The following VTN variants were observed in gnomAD, a reference collection of about 807,000 sequenced individuals.
VTN encodes vitronectin.
In VTN, 45 loss-of-function variants were observed where a neutral mutation model predicts 55.9. The ratio of observed to expected loss-of-function variants is 0.80; its 90% CI spans 0.63 to 1.03. The LOEUF is 1.03. Ranked by LOEUF, VTN falls within the 50% of genes least tolerant of loss-of-function variation. The pLI is 0.00. For synonymous variants in VTN, 238 were observed against 242.3 expected, an observed-to-expected ratio of 0.98 and a Z score of 0.17; for missense variants, 589 against 638.2, an observed-to-expected ratio of 0.92 and a Z score of 0.83.
In VTN at chr17:28,370,019, C is replaced by G. The variant is rs781948323; in HGVS notation, c.92G>C (p.Gly31Ala). The stretch of plus-strand genomic sequence containing the variant: ...CTGGCACTTCTTGTCCACGTTGAAG[C>G]CCTCAGTGCAGCGGCCCTTGCATGA... ...QESCKGRCTE[G>A]FNVDKKCQCD... Residue 31 changes from glycine to alanine, a missense_variant, in exon 2 of 8, where the codon GGC (glycine) becomes GCC (alanine). Physicochemically the swap from Gly to Ala is moderately conservative, Grantham distance 60 (BLOSUM62 0). Transcript: ENST00000226218. 1.7e-5 allele frequency: 27 copies of G among 1,613,990 alleles called. No homozygotes were observed. The Admixed American group carries it at 4.5e-4, about 27-fold the overall frequency.
In VTN at chr17:28,369,263, C is replaced by T. The variant is rs1175994085; in HGVS notation, c.669+26G>A. 3 of 1,557,968 alleles carry T rather than the reference C, an allele frequency of 1.9e-6. No individual in the cohort carries two copies. In the African/African-American group the frequency reaches 4.1e-5, roughly 21 times the overall value. On this transcript the variant is annotated intron_variant, in intron 4 of 7. Transcript: ENST00000226218. This position sits in a 1 kb window ranked among gnomAD's most constrained non-coding sequence, Gnocchi z 5.3. ...CTCTCAAACCCTCCCTAGATGCTTT[C>T]TACCCTGGCCCACAGCCCCTGGCAC... is the stretch of plus-strand genomic sequence containing the variant.
In VTN at chr17:28,367,981, C is replaced by G. The variant is rs782740766; in HGVS notation, c.1058G>C (p.Arg353Pro). ...PGQVDAAMAG[R>P]IYISGMAPRP... ...GGGTGCCATGCCTGAGATGTAGATG[C>G]GGCCAGCCATGGCTGCGTCCACTTG... The change falls in exon 7 of 8, where the codon CGC becomes CCC. Residue 353 changes from arginine (R) to proline (P), a missense_variant. Transcript: ENST00000226218. 2 of 1,595,194 alleles carry G rather than the reference C, an allele frequency of 1.3e-6. No homozygotes were observed. Among genetic ancestry groups the G allele is most frequent in the South Asian group, 1.1e-5 (1 of 88,852 alleles).
In VTN at chr17:28,367,419, G is replaced by A. The variant is rs201545006; in HGVS notation, c.1387C>T (p.Arg463Cys). 3.7e-5 allele frequency: 60 copies of A among 1,612,734 alleles called. No individual in the cohort carries two copies. The highest frequency in any genetic ancestry group is 4.4e-5 in the Non-Finnish European group (52 of 1,179,716). Residue 463 changes from arginine to cysteine, a missense_variant, in exon 8 of 8, where the codon CGC becomes TGC. Physicochemically the swap from Arg to Cys is radical, Grantham distance 180. This residue lies in a region of VTN where 334 missense variants were observed against 328.2 expected (regional missense o/e 1.02). Transcript: ENST00000226218. ...CCCAGCCAGTACTGAGCGATGGAGC[G>A]TGGGTAGGGAGGGTCCACAGTGTCC... ...RVDTVDPPYPRSIAQYWLGCP... is the reference protein window; with the variant it reads ...RVDTVDPPYPCSIAQYWLGCP...
chr17:28,367,499 A>C lies in VTN; in HGVS notation c.1325-18T>G. The C allele has an allele frequency of 6.2e-7, 1 of 1,607,876 alleles. No individual in the cohort carries two copies. Among genetic ancestry groups the C allele is most frequent in the Non-Finnish European group, 8.5e-7 (1 of 1,175,068 alleles). On this transcript the variant is annotated intron_variant, in intron 7 of 7. Transcript: ENST00000226218. ...GTACTTGTCTGGAAGAGAGGAAAGCAGAGGATGCGTGAGGCCCAGCCTGGC... is the reference window on the plus strand; with the variant it reads ...GTACTTGTCTGGAAGAGAGGAAAGCCGAGGATGCGTGAGGCCCAGCCTGGC...
Position 28,369,929 on chromosome 17 carries a change from T to A in VTN, c.182A>T (p.Gln61Leu). ...ACCCACCTGGGCTCTGAACACACCTTGGGGCTTGCACTCAGCCGTATAGTC... is the reference window on the plus strand; with the variant it reads ...ACCCACCTGGGCTCTGAACACACCTAGGGGCTTGCACTCAGCCGTATAGTC... ...CTDYTAECKP[Q>L]VTRGDVFTMP... is the part of the protein sequence containing the mutation. The change falls in exon 2 of 8, where the codon CAA (glutamine) becomes CTA (leucine). Residue 61 changes from glutamine to leucine, a missense_variant and splice_region_variant. By Grantham distance (113) the Gln-to-Leu change is moderately radical. This residue lies in a region of VTN where 217 missense variants were observed against 241.3 expected (regional missense o/e 0.90). Coordinates refer to ENST00000226218, the MANE Select transcript of VTN (RefSeq NM_000638.4). This position sits in a 1 kb window ranked among gnomAD's most constrained non-coding sequence, Gnocchi z 5.3. 6.2e-7 allele frequency: 1 copy of A among 1,614,016 alleles called. No homozygotes were observed. Among genetic ancestry groups the A allele is most frequent in the Non-Finnish European group, 8.5e-7 (1 of 1,179,988 alleles).
rs782057864 is a variant in VTN at position 28,368,571 on chromosome 17, C to T, written c.929G>A (p.Arg310Gln). Residue 310 changes from arginine to glutamine, a missense_variant, in exon 6 of 8, where the codon CGG (arginine) becomes CAG (glutamine). This residue lies in a region of VTN where 334 missense variants were observed against 328.2 expected (regional missense o/e 1.02). Transcript: ENST00000226218. Reference protein sequence around the residue: ...AVFEHFAMMQRDSWEDIFELL... With the variant: ...AVFEHFAMMQQDSWEDIFELL... The stretch of plus-strand genomic sequence containing the variant: ...CTCGAAGATGTCCTCCCAGCTGTCC[C>T]GCTGCATCATGGCAAAGTGTTCAAA... 7 of 1,614,056 alleles carry T rather than the reference C, an allele frequency of 4.3e-6. No homozygotes were observed. In the East Asian group the frequency reaches 8.9e-5, roughly 21 times the overall value.
intron 1 of VTN, 37 bp downstream of exon 1, chr17:28,370,103 T>C (rs1555583787): frequency 6.2e-7 from 1 of 1,613,562 alleles, no homozygotes; most frequent in South Asian, 1.1e-5. Flanking sequence ...TCGCCCTCCC[T>C]ACATTGACCC....
Position 28,370,005 on chromosome 17 carries a change from T to A in VTN, c.106A>T (p.Lys36Ter). The A allele has an allele frequency of 6.2e-7, 1 of 1,614,084 alleles. No homozygotes were observed. Among genetic ancestry groups the A allele is most frequent in the Non-Finnish European group, 8.5e-7 (1 of 1,180,016 alleles). Residue 36 changes from lysine to a stop codon, truncating the protein, a stop_gained, in exon 2 of 8, where the codon AAG (lysine) becomes TAG (stop). Coordinates refer to ENST00000226218, the MANE Select transcript of VTN (RefSeq NM_000638.4). LOFTEE classifies it high-confidence loss of function. ...CAGAGCTCGTCACACTGGCACTTCTTGTCCACGTTGAAGCCCTCAGTGCAG... is the reference window on the plus strand; with the variant it reads ...CAGAGCTCGTCACACTGGCACTTCTAGTCCACGTTGAAGCCCTCAGTGCAG... Reference protein sequence around the residue: ...GRCTEGFNVDKKCQCDELCSY... With the variant: ...GRCTEGFNVD
In VTN at chr17:28,367,950, G is replaced by C. The variant is rs1011440385; in HGVS notation, c.1089C>G (p.Pro363=). The change falls in exon 7 of 8, where the codon CCC becomes CCG. Residue 363 remains proline (P), a synonymous_variant. Coordinates refer to ENST00000226218, the MANE Select transcript of VTN (RefSeq NM_000638.4). Reference sequence around the variant, plus strand: ...TAAACCTTTGTTTCTTGGCCAAGGAGGGGCGGGGTGCCATGCCTGAGATGT... The same window carrying C: ...TAAACCTTTGTTTCTTGGCCAAGGACGGGCGGGGTGCCATGCCTGAGATGT... ...RIYISGMAPR[P]SLAKKQRFRH... The C allele has an allele frequency of 6.9e-6, 11 of 1,602,280 alleles. No homozygotes were observed. Among genetic ancestry groups the C allele is most frequent in the Non-Finnish European group, 9.4e-6 (11 of 1,174,492 alleles).
In VTN at chr17:28,368,896, G is replaced by T. The variant is rs564459012; in HGVS notation, c.802C>A (p.Arg268=). ...CCCTTGAAGAAGTAGACCCGCTCCCGGCCACTGTAGCTATGGGCAGGGAGG... is the reference window on the plus strand; with the variant it reads ...CCCTTGAAGAAGTAGACCCGCTCCCTGCCACTGTAGCTATGGGCAGGGAGG... The part of the protein sequence containing the change: ...LALPAHSYSG[R]ERVYFFKGKQ... Residue 268 remains arginine (R), a synonymous_variant, in exon 5 of 8, where the codon CGG becomes AGG. Coordinates refer to ENST00000226218, the MANE Select transcript of VTN (RefSeq NM_000638.4). 1.1e-5 allele frequency: 18 copies of T among 1,613,356 alleles called. No individual in the cohort carries two copies. The East Asian group carries it at 3.8e-4, about 34-fold the overall frequency.
chr17:28,370,027 G>T lies in VTN; in HGVS notation c.84C>A (p.Cys28Ter), dbSNP rs2067939436. 1.9e-6 allele frequency: 3 copies of T among 1,614,008 alleles called. No individual in the cohort carries two copies. The African/African-American group carries it at 4.0e-5, about 22-fold the overall frequency. The change falls in exon 2 of 8, where the codon TGC becomes TGA. Residue 28 changes from cysteine to a stop codon, truncating the protein, a stop_gained. Transcript: ENST00000226218. LOFTEE classifies it high-confidence loss of function. ...TCTTGTCCACGTTGAAGCCCTCAGT[G>T]CAGCGGCCCTTGCATGACTCTATGA... Reference protein sequence around the residue: ...LADQESCKGRCTEGFNVDKKC... With the variant: ...LADQESCKGR
At position 28,369,486 on chromosome 17, in the gene VTN, C is replaced by A. The variant is rs1555583613; in HGVS notation, c.529+21G>T. 6.3e-7 allele frequency: 1 copy of A among 1,595,854 alleles called. No individual in the cohort carries two copies. ...CGCTCCTGGGGCAGACCCGCATCCC[C>A]AGTACCTGCCCTGGATTCACCTCGG... On this transcript the variant is annotated intron_variant, in intron 3 of 7. Transcript: ENST00000226218. This position sits in a 1 kb window ranked among gnomAD's most constrained non-coding sequence, Gnocchi z 5.3.
chr17:28,369,743 AGGGAGG>A lies in VTN; in HGVS notation c.287_292del (p.Pro96_Ser97del). On this transcript the variant is annotated inframe_deletion, in exon 3 of 8. Transcript: ENST00000226218. This position sits in a 1 kb window ranked among gnomAD's most constrained non-coding sequence, Gnocchi z 5.3. ...GGACTGGGCCTGGAGGTCAGAGGTC[AGGGAGG>A]GGCCCCCCACCTGTTCATGGACAGT... 1.2e-6 allele frequency: 2 copies of A among 1,613,994 alleles called. No homozygotes were observed. The highest frequency in any genetic ancestry group is 1.7e-6 in the Non-Finnish European group (2 of 1,180,028).
Position 28,370,236 on chromosome 17 carries a change from G to A in VTN, c.-33C>T. On this transcript the variant is annotated 5_prime_UTR_variant, in exon 1 of 8. Transcript: ENST00000226218. ...CTTCTAGCTCAGTGCCTGGCAAGCT[G>A]GGCTCTGGTCTCCCTGAAGTCTCCG... 6.3e-7 allele frequency: 1 copy of A among 1,597,820 alleles called. No homozygotes were observed.
rs192273677 is a variant in VTN, at chr17:28,368,099, C to T, written c.980-40G>A. The T allele has an allele frequency of 1.9e-5, 29 of 1,506,884 alleles. No homozygotes were observed. The African/African-American group carries it at 2.0e-4, about 10-fold the overall frequency. The allele number at this position is 1,506,884 out of a possible 1,614,324, so 93.3% of individuals were successfully genotyped here. A position where few individuals can be genotyped will look rare whatever the true frequency, so the allele number is the denominator to read the frequency against. On this transcript the variant is annotated intron_variant, in intron 6 of 7. Transcript: ENST00000226218. The stretch of plus-strand genomic sequence containing the variant: ...GGGTGAATGAGAGGTCTTGGGGGTC[C>T]GAATCTTGCCCCTTCCAGCGGGGCC...
Position 28,369,947 on chromosome 17 carries a change from G to T in VTN, c.164C>A (p.Thr55Lys). The T allele has an allele frequency of 6.2e-7, 1 of 1,614,040 alleles. No homozygotes were observed. Among genetic ancestry groups the T allele is most frequent in the Non-Finnish European group, 8.5e-7 (1 of 1,180,018 alleles). The change falls in exon 2 of 8, where the codon ACG becomes AAG. Residue 55 changes from threonine (T) to lysine (K), a missense_variant. By Grantham distance (78) the Thr-to-Lys change is moderately conservative. Transcript: ENST00000226218. This position sits in a 1 kb window ranked among gnomAD's most constrained non-coding sequence, Gnocchi z 5.3. ...SYYQSCCTDY[T>K]AECKPQVTRG... is the part of the protein sequence containing the mutation. Reference sequence around the variant, plus strand: ...CACACCTTGGGGCTTGCACTCAGCCGTATAGTCTGTGCAGCAGCTCTGGTA... The same window carrying T: ...CACACCTTGGGGCTTGCACTCAGCCTTATAGTCTGTGCAGCAGCTCTGGTA...
In VTN at chr17:28,368,625, T is replaced by C. The variant is rs1567801583; in HGVS notation, c.875A>G (p.Glu292Gly). 6.2e-7 allele frequency: 1 copy of C among 1,613,866 alleles called. No individual in the cohort carries two copies. The highest frequency in any genetic ancestry group is 8.5e-7 in the Non-Finnish European group (1 of 1,180,004). ...YQFQHQPSQE[E>G]CEGSSLSAVF... ...AGCCGACAGGGAGCTGCCTTCACAC[T>C]CCTCCTGACTGGGCTGGTGCTGGAA... is the stretch of plus-strand genomic sequence containing the variant. The change falls in exon 6 of 8, where the codon GAG becomes GGG. Residue 292 changes from glutamate to glycine, a missense_variant. Physicochemically the swap from Glu to Gly is moderately conservative, Grantham distance 98. This residue lies in a region of VTN where 334 missense variants were observed against 328.2 expected (regional missense o/e 1.02). Transcript: ENST00000226218.
Position 28,367,701 on chromosome 17 carries a change from G to A in VTN, c.1324+14C>T. The A allele has an allele frequency of 6.2e-7, 1 of 1,602,504 alleles. No homozygotes were observed. Among genetic ancestry groups the A allele is most frequent in the Non-Finnish European group, 8.5e-7 (1 of 1,172,478 alleles). The stretch of plus-strand genomic sequence containing the variant: ...CCAAGCTAGACCAGCTTCAGGGGTG[G>A]CAGCGGCTCCTACCTCCAGAGAAGA... On this transcript the variant is annotated intron_variant, in intron 7 of 7. Coordinates refer to ENST00000226218, the MANE Select transcript of VTN (RefSeq NM_000638.4).
In VTN at chr17:28,368,548, C is replaced by T. The variant is rs782190887; in HGVS notation, c.952G>A (p.Glu318Lys). 22 of 1,613,872 alleles carry T rather than the reference C, an allele frequency of 1.4e-5. No individual in the cohort carries two copies. The highest frequency in any genetic ancestry group is 1.1e-4 in the East Asian group (5 of 44,898). The stretch of plus-strand genomic sequence containing the variant: ...GAGGTTCTGCCCCAGAAGAGAAGCT[C>T]GAAGATGTCCTCCCAGCTGTCCCGC... ...MQRDSWEDIF[E>K]LLFWGRTSAG... is the part of the protein sequence containing the mutation. Residue 318 changes from glutamate to lysine, a missense_variant, in exon 6 of 8, where the codon GAG becomes AAG. Glu to Lys is a moderately conservative substitution (Grantham distance 56). Around this residue, in one of 3 missense-constraint regions of VTN, gnomAD observed 334 missense variants for 328.2 expected, o/e 1.02. Transcript: ENST00000226218.
Sources: gnomAD v4.1 joint callset for allele counts on GRCh38, gnomAD v4.1.1 for gene constraint, gnomAD v4.1.1 regional missense constraint, Gnocchi (gnomAD v3.1) non-coding constraint, MANE v1.5 for transcripts, NCBI Gene and HGNC (gene_info 2026-07-23, HGNC 2026-07-21) for gene names.